DDX10: variants seen among roughly 807,000 people sequenced by gnomAD.
The protein encoded by DDX10 is DEAD-box helicase 10.
In DDX10, 74 loss-of-function variants were observed where a neutral mutation model predicts 104.3. The observed-to-expected ratio is 0.71, with a 90% CI of 0.59 to 0.86. The LOEUF (loss-of-function observed/expected upper bound fraction) is 0.86. Among genes scored for constraint, DDX10 ranks in the 40% least tolerant of loss-of-function variants. The pLI is 0.00. For missense variants in DDX10, 952 were observed against 1,040.0 expected (o/e 0.92, Z 1.16); for synonymous variants, 351 against 353.4 (o/e 0.99, Z 0.08).
Position 108,723,478 on chromosome 11 carries a change from G to A in DDX10, c.1965+16G>A. 4 of 1,597,594 alleles carry A rather than the reference G, an allele frequency of 2.5e-6. No homozygotes were observed. Among genetic ancestry groups the A allele is most frequent in the Non-Finnish European group, 3.4e-6 (4 of 1,172,946 alleles). On this transcript the variant is annotated intron_variant, in intron 13 of 17. Coordinates refer to ENST00000322536, the MANE Select transcript of DDX10 (RefSeq NM_004398.4). ...AACATTACAGGTAAGTTTACTCCCA[G>A]TGGAGGGTCTTCTATTACATTGTCT...
chr11:108,854,440 A>G (rs1862838102), intron 16 of DDX10, among the ~76,000 whole-genome samples: 1 of 152,166 alleles, frequency 6.6e-6, no homozygotes, highest in Middle Eastern at 3.2e-3. Flanking sequence ...GTTACTTAGG[A>G]TATTGCCTTC....
intron 13 of DDX10, among the ~76,000 whole-genome samples, chr11:108,756,250 G>T (rs1284242459): frequency 6.6e-6 from 1 of 151,976 alleles, no homozygotes; most frequent in Non-Finnish European, 1.5e-5. Context: ...TCAACTTGAG[G>T]TTGTCATTAG....
intron 13 of DDX10, among the ~76,000 whole-genome samples, chr11:108,760,190 A>G (rs551888733): frequency 1.3e-5 from 2 of 151,878 alleles, no homozygotes; most frequent in African/African-American, 2.4e-5. Context: ...TTAGCATTCA[A>G]TATGCTTAAG....
At chr11:108,900,490 T>C (rs1863503601) in intron 16 of DDX10, among the ~76,000 whole-genome samples, 1 of 152,260 alleles carries the variant, frequency 6.6e-6, no homozygotes, top group Non-Finnish European at 1.5e-5. Context: ...TGGCTACTGC[T>C]GTCACTGACT....
chr11:108,838,411 C>T, intron 13 of DDX10, 35 bp from the exon 14 acceptor site: 3 of 1,587,490 alleles, frequency 1.9e-6, no homozygotes, highest in Admixed American at 1.8e-5. Context: ...AACCATTTTC[C>T]TAATCATCTG....
At chr11:108,722,407 A>AT (rs1238597699) in intron 12 of DDX10, among the ~76,000 whole-genome samples, 1 of 152,168 alleles carries the variant, frequency 6.6e-6, no homozygotes, top group Non-Finnish European at 1.5e-5. Context: ...AGAAAACAAT[A>AT]TTTTTTAATT....
rs1010668233 is a variant in DDX10, at chr11:108,900,457, T to C, written c.2305-17416T>C. On this transcript the variant is annotated intron_variant, in intron 16 of 17. Transcript: ENST00000322536. ...TTCTAAAATACTTAAAGTCCTCTGCTTTCCTTCTGCTAACACAAACAATGG... is the reference window on the plus strand; with the variant it reads ...TTCTAAAATACTTAAAGTCCTCTGCCTTCCTTCTGCTAACACAAACAATGG... Among the ~76,000 whole-genome samples the C allele has an allele frequency of 2.0e-5, 3 of 152,336 alleles. 1 individual carries two copies. Among genetic ancestry groups the C allele is most frequent in the Middle Eastern group, 6.8e-3 (2 of 294 alleles).
chr11:108,852,876 C>A (rs940937806), intron 16 of DDX10, among the ~76,000 whole-genome samples: 20 of 152,130 alleles, frequency 1.3e-4, no homozygotes, highest in Non-Finnish European at 2.9e-4. Context: ...TAACATATGT[C>A]ATTTCTCATG....
At chr11:108,699,299 A>G (rs960839764) in intron 9 of DDX10, among the ~76,000 whole-genome samples, 2 of 152,148 alleles carry the variant, frequency 1.3e-5, no homozygotes, top group African/African-American at 4.8e-5. Flanking sequence ...TATCGCAGCA[A>G]CCATTTATCT....
chr11:108,759,654 ACT>A (rs1298461267), intron 13 of DDX10, among the ~76,000 whole-genome samples: 1 of 151,792 alleles, frequency 6.6e-6, no homozygotes, highest in Non-Finnish European at 1.5e-5. Flanking sequence ...GCTTTTAAAG[ACT>A]CTGAACTTGA....
chr11:108,886,421 A>G (rs546805421), intron 16 of DDX10, among the ~76,000 whole-genome samples: 4 of 152,286 alleles, frequency 2.6e-5, no homozygotes, highest in Admixed American at 2.6e-4. Context: ...TTATGTGCAA[A>G]TGCATTTTTT....
intron 16 of DDX10, among the ~76,000 whole-genome samples, chr11:108,861,385 C>G (rs183205338): frequency 6.6e-6 from 1 of 152,208 alleles, no homozygotes; most frequent in Admixed American, 6.5e-5. Context: ...CACAGCAGCA[C>G]TAAGTATCAC....
chr11:108,813,150 T>C (rs1206192048), intron 13 of DDX10, among the ~76,000 whole-genome samples: 1 of 152,088 alleles, frequency 6.6e-6, no homozygotes, highest in African/African-American at 2.4e-5. Context: ...TTAAGAAAAA[T>C]ACCTATAGAA....
chr11:108,697,819 A>G (rs1041178999), intron 9 of DDX10, among the ~76,000 whole-genome samples: 2 of 152,336 alleles, frequency 1.3e-5, no homozygotes, highest in African/African-American at 4.8e-5. Flanking sequence ...AAAGTAGAAA[A>G]TATTTGGGAA....
chr11:108,834,852 C>T (rs1046506559), intron 13 of DDX10, among the ~76,000 whole-genome samples: 16 of 128,240 alleles, frequency 1.2e-4, no homozygotes, highest in African/African-American at 4.8e-4. Context: ...GATGTGAACC[C>T]GGGAGGTGGA....
intron 1 of DDX10, among the ~76,000 whole-genome samples, chr11:108,670,424 G>A (rs975656812): frequency 6.6e-6 from 1 of 152,178 alleles, no homozygotes; most frequent in Non-Finnish European, 1.5e-5. Context: ...GAAAGATTCA[G>A]CCAGGCTGAT....
chr11:108,797,578 G>A (rs1421956701), intron 13 of DDX10, among the ~76,000 whole-genome samples: 1 of 152,176 alleles, frequency 6.6e-6, no homozygotes, highest in Non-Finnish European at 1.5e-5. Context: ...GGCTTACCTA[G>A]TACATTCAGC....
intron 16 of DDX10, among the ~76,000 whole-genome samples, chr11:108,914,902 G>A (rs542220312): frequency 6.6e-6 from 1 of 150,606 alleles, no homozygotes; most frequent in East Asian, 1.9e-4. Context: ...AAAATTGCCA[G>A]GTGAGCTCAA....
intron 13 of DDX10, among the ~76,000 whole-genome samples, chr11:108,730,569 A>G (rs1357072175): frequency 6.6e-6 from 1 of 152,222 alleles, no homozygotes; most frequent in Non-Finnish European, 1.5e-5. Context: ...TGAGTTATAT[A>G]GAACTCATAG....
Sources: gnomAD v4.1 joint callset for allele counts (sites outside exome capture counted in the v4.1 genomes callset) on GRCh38, gnomAD v4.1.1 for gene constraint, MANE v1.5 for transcripts, NCBI Gene and HGNC (gene_info 2026-07-23, HGNC 2026-07-21) for gene names.